Variants in FAM13A observed in about 807,000 individuals in gnomAD.
FAM13A encodes the protein protein FAM13A.
FAM13A carries 76 observed loss-of-function variants against 129.6 expected under a neutral mutation model. That is an observed-to-expected ratio of 0.59 (90% CI 0.49 to 0.71). The LOEUF (loss-of-function observed/expected upper bound fraction) is 0.71, where lower values mean the gene tolerates loss of function less well. FAM13A is among the 30% of genes least tolerant of loss of function. The probability of loss-of-function intolerance (pLI) is 0.00; values close to 1 mark genes in which losing one functional copy is unlikely to be tolerated. For synonymous variants in FAM13A, 443 were observed against 449.9 expected (o/e 0.98, Z 0.20); for missense variants, 1,108 against 1,249.3 (o/e 0.89, Z 1.70).
At chr4:88,964,431 A>G (rs552499053) in intron 4 of FAM13A, among the ~76,000 whole-genome samples, 2 of 152,222 alleles carry the variant, frequency 1.3e-5, no homozygotes, top group Admixed American at 1.3e-4. Context: ...GATTAAAAAA[A>G]TATTATTAGG....
intron 22 of FAM13A, 110 bp downstream of exon 22, chr4:88,731,892 G>T: frequency 1.2e-6 from 1 of 849,502 alleles, no homozygotes; most frequent in Non-Finnish European, 1.8e-6. Context: ...TACACCCCAG[G>T]TAGTCACTTG....
chr4:88,779,223 A>G (rs1722359145), intron 11 of FAM13A, among the ~76,000 whole-genome samples: 1 of 152,216 alleles, frequency 6.6e-6, no homozygotes, highest in Non-Finnish European at 1.5e-5. Context: ...CACAGATGAC[A>G]TATAATTATG....
intron 6 of FAM13A, among the ~76,000 whole-genome samples, chr4:88,881,439 T>A (rs543352300): frequency 3.9e-5 from 6 of 152,030 alleles, no homozygotes; most frequent in Non-Finnish European, 7.4e-5. Context: ...GAGCACCACA[T>A]CAAGGGAACA....
chr4:89,027,773 T>C (rs773848884), intron 2 of FAM13A, among the ~76,000 whole-genome samples: 48 of 152,008 alleles, frequency 3.2e-4, no homozygotes, highest in Admixed American at 2.4e-3. Flanking sequence ...AATCTGCAAA[T>C]TGAGGCCACT....
At chr4:88,806,930 G>C (rs1227853202) in intron 7 of FAM13A, among the ~76,000 whole-genome samples, 1 of 152,100 alleles carries the variant, frequency 6.6e-6, no homozygotes, top group Non-Finnish European at 1.5e-5. Flanking sequence ...AGAAATGTTA[G>C]AACTGGGTTT....
chr4:88,863,721 G>T (rs907386348), intron 6 of FAM13A, among the ~76,000 whole-genome samples: 2 of 152,136 alleles, frequency 1.3e-5, no homozygotes, highest in Admixed American at 6.5e-5. Context: ...GAATTGCTTG[G>T]TATGCAAAAC....
chr4:88,731,509 G>C, intron 22 of FAM13A, 81 bp from the exon 23 acceptor site: 1 of 808,670 alleles, frequency 1.2e-6, no homozygotes. Flanking sequence ...CTCAACAGGA[G>C]CTGTGCAGAA....
At chr4:88,880,793 G>GGGA in intron 6 of FAM13A, among the ~76,000 whole-genome samples, 1 of 132,916 alleles carries the variant, frequency 7.5e-6, no homozygotes, top group Admixed American at 7.3e-5. Context: ...CGGGGGGGGG[G>GGGA]GGGGCACAGT....
chr4:88,764,589 T>A (rs1435701226), intron 13 of FAM13A, among the ~76,000 whole-genome samples: 1 of 152,216 alleles, frequency 6.6e-6, no homozygotes, highest in Middle Eastern at 3.2e-3. Context: ...TTGCTAGTTT[T>A]AAGGATGACC....
At position 89,020,503 on chromosome 4, in the gene FAM13A, CAG is replaced by C. The variant is rs779281484; in HGVS notation, c.382_383del (p.Leu128AspfsTer19). On this transcript the variant is annotated frameshift_variant, in exon 3 of 24. Transcript: ENST00000264344. LOFTEE classifies it high-confidence loss of function. The stretch of plus-strand genomic sequence containing the variant: ...ATCGAGGCTGCAACGCTGAGGTGAT[CAG>C]ACTGTCAGGCAGCTCCCTCAGAAAC... ...KLFLRELPDSLITSALQPRFI... is the reference protein window; with the variant it reads ...KLFLRELPDSXITSALQPRFI... 28 of 1,614,054 alleles carry C rather than the reference CAG, an allele frequency of 1.7e-5. No homozygotes were observed. Among genetic ancestry groups the C allele is most frequent in the Non-Finnish European group, 2.3e-5 (27 of 1,179,954 alleles).
Position 88,888,863 on chromosome 4 carries a change from G to T in FAM13A, c.843+17516C>A, listed in dbSNP as rs547683628. Among the ~76,000 whole-genome samples the T allele has an allele frequency of 2.0e-5, 3 of 151,232 alleles. 1 individual carries two copies. In the East Asian group the frequency reaches 5.8e-4, roughly 29 times the overall value. On this transcript the variant is annotated intron_variant, in intron 6 of 23. Transcript: ENST00000264344. Reference sequence around the variant, plus strand: ...AGGCAGGAGAATGCTGTGAACCCGGGAGGCGGAGCTTGCAGTGAGCCGAGA... The same window carrying T: ...AGGCAGGAGAATGCTGTGAACCCGGTAGGCGGAGCTTGCAGTGAGCCGAGA...
At chr4:88,782,648 T>C (rs181690231) in intron 10 of FAM13A, among the ~76,000 whole-genome samples, 1 of 152,266 alleles carries the variant, frequency 6.6e-6, no homozygotes, top group African/African-American at 2.4e-5. Context: ...TTTTTAACAC[T>C]CCATATTTTA....
rs762193380 is a variant in FAM13A at position 88,787,926 on chromosome 4, T to C, written c.1098A>G (p.Leu366=). The change falls in exon 10 of 24, where the codon TTA becomes TTG. Residue 366 remains leucine (L), a synonymous_variant. Transcript: ENST00000264344. ...CTACAGCTGATCGGATGGTTCTTTC[T>C]AAGAGTCTGGCAAAAAAGAATGCAG... The part of the protein sequence containing the change: ...VSNVSATGEL[L]ERTIRSAVEQ... 2.8e-5 allele frequency: 45 copies of C among 1,612,002 alleles called. No individual in the cohort carries two copies. The highest frequency in any genetic ancestry group is 3.6e-5 in the Non-Finnish European group (43 of 1,178,974).
Position 88,787,750 on chromosome 4 carries a change from CACTT to C in FAM13A, c.1270_1271+2del. On this transcript the variant is annotated splice_donor_variant and coding_sequence_variant, in exon 10 of 24. Transcript: ENST00000264344. LOFTEE classifies it high-confidence loss of function. Reference sequence around the variant, plus strand: ...GTAAGAGGAAGAATCAATGCCAACTCACTTGTCTCTCCCATGTCGAACTTCATCC... The same window carrying C: ...GTAAGAGGAAGAATCAATGCCAACTCGTCTCTCCCATGTCGAACTTCATCC... 6.2e-7 allele frequency: 1 copy of C among 1,610,270 alleles called. No individual in the cohort carries two copies.
chr4:88,826,602 A>T (rs1733032689), intron 7 of FAM13A, among the ~76,000 whole-genome samples: 1 of 152,162 alleles, frequency 6.6e-6, no homozygotes, highest in South Asian at 2.1e-4. Flanking sequence ...AGTGCCACAA[A>T]ACAGAACCTC....
chr4:89,039,299 A>G (rs988287583), intron 1 of FAM13A, among the ~76,000 whole-genome samples: 2 of 152,214 alleles, frequency 1.3e-5, no homozygotes, highest in Non-Finnish European at 2.9e-5. Flanking sequence ...TTCAAATGTA[A>G]TATATGAATC....
intron 13 of FAM13A, among the ~76,000 whole-genome samples, chr4:88,763,277 G>GTTCATTCATTCA (rs3067663): frequency 1.1e-3 from 163 of 150,848 alleles, no homozygotes; most frequent in African/African-American, 3.8e-3. Context: ...TTTCCCATTC[G>GTTCATTCATTCA]TTCATTCATT....
chr4:88,923,878 C>A (rs867923523), intron 5 of FAM13A, among the ~76,000 whole-genome samples: 1 of 152,036 alleles, frequency 6.6e-6, no homozygotes, highest in East Asian at 1.9e-4. Flanking sequence ...AATCAATGTA[C>A]GAAAATCACA....
intron 3 of FAM13A, among the ~76,000 whole-genome samples, chr4:89,016,047 C>G (rs756146388): frequency 6.6e-6 from 1 of 151,728 alleles, no homozygotes; most frequent in African/African-American, 2.4e-5. Flanking sequence ...GAAGGCATTG[C>G]TATTGTAGGA....
Sources: allele counts gnomAD v4.1 joint callset (sites outside exome capture counted in the v4.1 genomes callset), GRCh38; gene constraint gnomAD v4.1.1; transcripts MANE v1.5; gene names NCBI Gene and HGNC (gene_info 2026-07-23, HGNC 2026-07-21).